The following SGIP1 variants were observed in gnomAD, a reference collection of about 807,000 sequenced individuals.
SGIP1 encodes the protein SH3GL interacting endocytic adaptor 1, also known as SH3-containing GRB2-like protein 3-interacting protein 1.
A neutral mutation model predicts 107.5 loss-of-function variants in SGIP1; 38 were observed. That is an observed-to-expected ratio of 0.35 (90% CI 0.27 to 0.46). The LOEUF is 0.46. SGIP1 is among the 20% of genes least tolerant of loss of function. The pLI, the probability that SGIP1 is intolerant of heterozygous loss-of-function variation, is 1.00. For synonymous variants in SGIP1, 365 were observed against 366.1 expected (o/e 1.00, Z 0.03); for missense variants, 929 against 1,019.5 (o/e 0.91, Z 1.21).
intron 19 of SGIP1, among the ~76,000 whole-genome samples, chr1:66,720,751 C>A (rs1239175489): frequency 6.6e-6 from 1 of 151,914 alleles, no homozygotes; most frequent in Non-Finnish European, 1.5e-5. Context: ...ATTTTAAAAA[C>A]TGGAGAAGAA....
chr1:66,546,678 G>A lies in SGIP1; in HGVS notation c.10+12310G>A, dbSNP rs147857147. 6.2e-3 allele frequency among the ~76,000 whole-genome samples: 945 copies of A among 152,298 alleles called. 6 individuals carry two copies. Among genetic ancestry groups the A allele is most frequent in the African/African-American group, 0.021 (869 of 41,564 alleles). On this transcript the variant is annotated intron_variant, in intron 1 of 24. Transcript: ENST00000371037. Reference sequence around the variant, plus strand: ...CCTGATGAGGTGGTGAGAATTCTGCGTTGGATTCTAGTCCTGGCATTGCCC... The same window carrying A: ...CCTGATGAGGTGGTGAGAATTCTGCATTGGATTCTAGTCCTGGCATTGCCC...
chr1:66,672,169 A>C (rs867721883), intron 11 of SGIP1, among the ~76,000 whole-genome samples, 174 bp downstream of exon 11: 1 of 152,202 alleles, frequency 6.6e-6, no homozygotes, highest in Non-Finnish European at 1.5e-5. Context: ...TCATAAGTGC[A>C]GCCCAAGGGA....
At chr1:66,629,899 A>G (rs2073872747) in intron 2 of SGIP1, among the ~76,000 whole-genome samples, 1 of 152,166 alleles carries the variant, frequency 6.6e-6, no homozygotes, top group African/African-American at 2.4e-5. Flanking sequence ...TTCTTCACTT[A>G]TGTTAGTCCA....
At position 66,749,618 on chromosome 1, in the gene SGIP1, A is replaced by C. The variant is rs2094598492; in HGVS notation, c.*6523A>C. 6.6e-6 allele frequency among the ~76,000 whole-genome samples: 1 copy of C among 152,082 alleles called. No individual in the cohort carries two copies. The highest frequency in any genetic ancestry group is 1.5e-5 in the Non-Finnish European group (1 of 67,934). ...TTTCTCTAAAGATAGTTCAGTTTTT[A>C]ATCCATCCAGAGTTTGTGAATCAGC... is the stretch of plus-strand genomic sequence containing the variant. On this transcript the variant is annotated 3_prime_UTR_variant, in exon 25 of 25. Transcript: ENST00000371037.
intron 1 of SGIP1, among the ~76,000 whole-genome samples, chr1:66,620,297 G>T (rs1454974689): frequency 6.6e-6 from 1 of 152,020 alleles, no homozygotes; most frequent in Non-Finnish European, 1.5e-5. Context: ...AGTTAAAAAG[G>T]TTATTTTTAA....
intron 1 of SGIP1, among the ~76,000 whole-genome samples, chr1:66,538,809 A>G (rs2054216382): frequency 6.6e-6 from 1 of 152,216 alleles, no homozygotes; most frequent in South Asian, 2.1e-4. Context: ...CAAATAGAAG[A>G]AAATTATGGC....
Position 66,667,556 on chromosome 1 carries a change from C to T in SGIP1, c.483+15C>T, listed in dbSNP as rs2082850250. ...GGCGCAGCCCGGTAAGAACTCTCAA[C>T]ATTTTTACCTTAAACATGTATAGAG... On this transcript the variant is annotated intron_variant, in intron 9 of 24. Transcript: ENST00000371037. 6.2e-6 allele frequency: 10 copies of T among 1,613,124 alleles called. No homozygotes were observed. The highest frequency in any genetic ancestry group is 1.3e-5 in the African/African-American group (1 of 74,920).
At chr1:66,700,248 G>T (rs111797258) in intron 18 of SGIP1, among the ~76,000 whole-genome samples, 37 of 152,004 alleles carry the variant, frequency 2.4e-4, no homozygotes, top group Middle Eastern at 3.4e-3. Flanking sequence ...GCACGTGCCT[G>T]TAATCCCAGC....
rs17129339 is a variant in SGIP1 at position 66,693,828 on chromosome 1, A to C, written c.1571-1606A>C. On this transcript the variant is annotated intron_variant, in intron 17 of 24. Transcript: ENST00000371037. ...GGATACCATAGACAAAGATGAAATT[A>C]TGATAATGCTGTTCAAAATTAACGG... 7.4e-3 allele frequency among the ~76,000 whole-genome samples: 1,125 copies of C among 152,368 alleles called. 16 individuals carry two copies. Among genetic ancestry groups the C allele is most frequent in the African/African-American group, 0.026 (1,067 of 41,586 alleles).
intron 15 of SGIP1, among the ~76,000 whole-genome samples, chr1:66,684,516 T>C (rs761533037): frequency 7.9e-5 from 12 of 152,218 alleles, no homozygotes; most frequent in Non-Finnish European, 1.5e-4. Context: ...TCGTCCGTTA[T>C]AAAAGAGGGG....
intron 19 of SGIP1, among the ~76,000 whole-genome samples, chr1:66,722,392 T>A (rs2093581504): frequency 6.6e-6 from 1 of 152,174 alleles, no homozygotes; most frequent in East Asian, 1.9e-4. Flanking sequence ...ACATCTTTTA[T>A]GTTGTTGTTG....
intron 8 of SGIP1, chr1:66,666,142 T>C (rs941647256): frequency 6.6e-6 from 1 of 152,234 alleles, no homozygotes; most frequent in Non-Finnish European, 1.5e-5. Flanking sequence ...TTGAATTAAT[T>C]TTTGTATAAG....
rs185554910 is a variant in SGIP1 at position 66,553,766 on chromosome 1, T to A, written c.10+19398T>A. 2.6e-5 allele frequency among the ~76,000 whole-genome samples: 4 copies of A among 152,182 alleles called. No individual in the cohort carries two copies. The East Asian group carries it at 7.7e-4, about 29-fold the overall frequency. On this transcript the variant is annotated intron_variant, in intron 1 of 24. Coordinates refer to ENST00000371037, the MANE Select transcript of SGIP1 (RefSeq NM_032291.4). ...ACCTATGCTCTTCATCACCTCCTAG[T>A]GCTGCTCCCTTCACTTTGCTATGCA...
intron 7 of SGIP1, 38 bp downstream of exon 7, chr1:66,643,757 A>G (rs1470836555): frequency 6.4e-7 from 1 of 1,556,182 alleles, no homozygotes. Flanking sequence ...CTTTAGTGAG[A>G]TTGAACAGGG....
intron 7 of SGIP1, among the ~76,000 whole-genome samples, chr1:66,647,141 A>T (rs2077801422): frequency 6.6e-6 from 1 of 152,212 alleles, no homozygotes; most frequent in Non-Finnish European, 1.5e-5. Flanking sequence ...GTCAAAGCTG[A>T]TAGACAGTCC....
At chr1:66,558,186 A>C (rs79003745) in intron 1 of SGIP1, among the ~76,000 whole-genome samples, 1 of 152,046 alleles carries the variant, frequency 6.6e-6, no homozygotes, top group African/African-American at 2.4e-5. Flanking sequence ...ATTGGAGACA[A>C]TGGCATTCAT....
At chr1:66,680,918 A>T (rs554942375) in intron 14 of SGIP1, among the ~76,000 whole-genome samples, 107 of 152,230 alleles carry the variant, frequency 7.0e-4, no homozygotes, top group Non-Finnish European at 1.2e-3. Context: ...TAAAAAGTGC[A>T]GTTCTTCATA....
At chr1:66,714,203 C>A (rs927137513) in intron 18 of SGIP1, among the ~76,000 whole-genome samples, 5 of 152,038 alleles carry the variant, frequency 3.3e-5, no homozygotes, top group Admixed American at 3.3e-4. Flanking sequence ...ATCTTTATAC[C>A]ATTTTAAGAT....
At chr1:66,695,871 G>T (rs1420248418) in intron 18 of SGIP1, among the ~76,000 whole-genome samples, 2 of 152,112 alleles carry the variant, frequency 1.3e-5, no homozygotes, top group East Asian at 1.9e-4. Context: ...GGACATTTTT[G>T]GTTGGTATTG....
Sources: allele counts gnomAD v4.1 joint callset (sites outside exome capture counted in the v4.1 genomes callset), GRCh38; gene constraint gnomAD v4.1.1; transcripts MANE v1.5; gene names NCBI Gene and HGNC (gene_info 2026-07-23, HGNC 2026-07-21).